The following RALGAPA1 variants were observed in gnomAD, a reference collection of about 807,000 sequenced individuals.
The protein encoded by RALGAPA1 is Ral GTPase activating protein catalytic subunit alpha 1.
Under a neutral mutation model 269.6 loss-of-function variants are expected in RALGAPA1, and 52 were observed. The ratio of observed to expected loss-of-function variants is 0.19; its 90% CI spans 0.15 to 0.24. The LOEUF is 0.24. Ranked by LOEUF, RALGAPA1 falls within the 10% of genes least tolerant of loss-of-function variation. The pLI is 1.00. For synonymous variants in RALGAPA1, 817 were observed against 1,008.3 expected (o/e 0.81, Z 3.60); for missense variants, 1,917 against 3,013.9 (o/e 0.64, Z 8.52).
chr14:35,595,150 G>A (rs907195129), intron 37 of RALGAPA1, among the ~76,000 whole-genome samples: 2 of 151,856 alleles, frequency 1.3e-5, no homozygotes, highest in Admixed American at 1.3e-4. Flanking sequence ...TACCAGGGGT[G>A]GAGTGGGGTA....
At chr14:35,678,144 A>G (rs1054191934) in intron 21 of RALGAPA1, 42 bp from the exon 22 acceptor site, 7 of 1,558,992 alleles carry the variant, frequency 4.5e-6, no homozygotes, top group Non-Finnish European at 6.1e-6. Flanking sequence ...AGAGTATTCA[A>G]TATCCTACCT....
chr14:35,569,906 C>T (rs1403113959), intron 39 of RALGAPA1, among the ~76,000 whole-genome samples: 2 of 152,148 alleles, frequency 1.3e-5, no homozygotes, highest in Admixed American at 1.3e-4. Context: ...ACTTCTGCAA[C>T]TCCAGAGTCG....
intron 41 of RALGAPA1, among the ~76,000 whole-genome samples, chr14:35,544,754 A>G (rs1431358222): frequency 6.6e-6 from 1 of 152,174 alleles, no homozygotes; most frequent in African/African-American, 2.4e-5. Context: ...CTGTTTTTAA[A>G]AACATTAATT....
At chr14:35,690,820 A>T (rs2066413396) in intron 17 of RALGAPA1, among the ~76,000 whole-genome samples, 1 of 152,100 alleles carries the variant, frequency 6.6e-6, no homozygotes, top group African/African-American at 2.4e-5. Flanking sequence ...CTATAATCCC[A>T]GCACTCTGGG....
chr14:35,731,493 G>C (rs1292481445), intron 12 of RALGAPA1, among the ~76,000 whole-genome samples: 4 of 152,122 alleles, frequency 2.6e-5, no homozygotes, highest in African/African-American at 9.7e-5. Context: ...AATGATACAA[G>C]AAGTGAAGGG....
intron 12 of RALGAPA1, among the ~76,000 whole-genome samples, chr14:35,735,917 C>A (rs1430837456): frequency 6.6e-6 from 1 of 152,134 alleles, no homozygotes; most frequent in Non-Finnish European, 1.5e-5. Context: ...CAATGATGGC[C>A]TTATAGACCA....
At chr14:35,746,431 T>C (rs1042635762) in intron 10 of RALGAPA1, among the ~76,000 whole-genome samples, 2 of 152,194 alleles carry the variant, frequency 1.3e-5, no homozygotes, top group Admixed American at 6.5e-5. Context: ...TGAAATTTTA[T>C]CTATGTAAGG....
At position 35,688,796 on chromosome 14, in the gene RALGAPA1, C is replaced by A; in HGVS notation, c.3615G>T (p.Glu1205Asp). 2.8e-6 allele frequency: 4 copies of A among 1,404,396 alleles called. No homozygotes were observed. The highest frequency in any genetic ancestry group is 3.7e-6 in the Non-Finnish European group (4 of 1,083,566). The allele number at this position is 1,404,396 out of a possible 1,614,324, so 87.0% of individuals were successfully genotyped here. A position where few individuals can be genotyped will look rare whatever the true frequency, so the allele number is the denominator to read the frequency against. The change falls in exon 18 of 42, where the codon GAG becomes GAT. Residue 1205 changes from glutamate to aspartate, a missense_variant. Glu to Asp is a conservative substitution (Grantham distance 45). Around this residue, in one of 11 missense-constraint regions of RALGAPA1, gnomAD observed 615 missense variants for 790.0 expected, o/e 0.78. Coordinates refer to ENST00000680220, the MANE Select transcript of RALGAPA1 (RefSeq NM_001346249.2). ...GTCTGTACACACCAGGTTTTACTAG[C>A]TCTGTAGCACTATTTGTGCTGGTAT... The part of the protein sequence containing the change: ...NTHTSTNSAT[E>D]LVKPGVYRPL...
At position 35,588,064 on chromosome 14, in the gene RALGAPA1, G is replaced by A. The variant is rs565211570; in HGVS notation, c.7209+7570C>T. Among the ~76,000 whole-genome samples the A allele has an allele frequency of 7.9e-5, 12 of 151,892 alleles. No individual in the cohort carries two copies. In the South Asian group the frequency reaches 8.4e-4, roughly 11 times the overall value. The stretch of plus-strand genomic sequence containing the variant: ...TGGGACTACAGGCACGTGCCACCAC[G>A]CCCAGCTAGTTTTTGAATTTTTAGT... On this transcript the variant is annotated intron_variant, in intron 37 of 41. Transcript: ENST00000680220.
At chr14:35,585,582 C>T (rs1478781685) in intron 37 of RALGAPA1, among the ~76,000 whole-genome samples, 1 of 152,140 alleles carries the variant, frequency 6.6e-6, no homozygotes, top group Non-Finnish European at 1.5e-5. Context: ...ATAAAAGTTT[C>T]ATCGTTTCAG....
chr14:35,567,691 G>C (rs2056823365), intron 39 of RALGAPA1, among the ~76,000 whole-genome samples: 1 of 152,058 alleles, frequency 6.6e-6, no homozygotes, highest in African/African-American at 2.4e-5. Flanking sequence ...TCTTGAGTTT[G>C]CATTTTAAAA....
intron 1 of RALGAPA1, among the ~76,000 whole-genome samples, chr14:35,793,050 G>C (rs1253049115): frequency 6.6e-6 from 1 of 152,062 alleles, no homozygotes; most frequent in Non-Finnish European, 1.5e-5. Flanking sequence ...TAGTGGGCTA[G>C]GGAGATGTGA....
chr14:35,576,460 G>C (rs1044411290), intron 37 of RALGAPA1, among the ~76,000 whole-genome samples: 1 of 152,138 alleles, frequency 6.6e-6, no homozygotes, highest in Non-Finnish European at 1.5e-5. Context: ...TGCTATTCAT[G>C]TGCTGGCTCT....
chr14:35,672,011 T>C (rs1566967595), intron 25 of RALGAPA1, among the ~76,000 whole-genome samples: 1 of 152,226 alleles, frequency 6.6e-6, no homozygotes. Flanking sequence ...GGAATGTTCC[T>C]AACTTCATTA....
At chr14:35,595,447 T>C (rs531892724) in intron 37 of RALGAPA1, among the ~76,000 whole-genome samples, 187 bp downstream of exon 37, 13 of 152,174 alleles carry the variant, frequency 8.5e-5, no homozygotes, top group African/African-American at 2.9e-4. Context: ...CCTTTAACCA[T>C]ATCATTGTTT....
chr14:35,614,280 GCAT>G (rs1441650427), intron 35 of RALGAPA1, among the ~76,000 whole-genome samples: 5 of 152,128 alleles, frequency 3.3e-5, no homozygotes, highest in Non-Finnish European at 7.4e-5. Flanking sequence ...GTTCACAGCA[GCAT>G]TATTCATATT....
intron 27 of RALGAPA1, among the ~76,000 whole-genome samples, chr14:35,662,116 G>A (rs1309499866): frequency 1.3e-5 from 2 of 152,058 alleles, no homozygotes; most frequent in Non-Finnish European, 2.9e-5. Flanking sequence ...ATCAAACAAG[G>A]TGATATGTAC....
At chr14:35,563,173 G>A (rs938403334) in intron 39 of RALGAPA1, among the ~76,000 whole-genome samples, 10 of 152,098 alleles carry the variant, frequency 6.6e-5, no homozygotes, top group Admixed American at 4.6e-4. Context: ...GTGAAACAAG[G>A]AGGGTAAGTA....
At chr14:35,771,949 C>T (rs989740359) in intron 3 of RALGAPA1, among the ~76,000 whole-genome samples, 2 of 152,100 alleles carry the variant, frequency 1.3e-5, no homozygotes, top group East Asian at 3.9e-4. Context: ...TCTTGATAAT[C>T]CTAGAGAAAG....
Sources: allele counts gnomAD v4.1 joint callset (sites outside exome capture counted in the v4.1 genomes callset), GRCh38; gene constraint gnomAD v4.1.1; regional missense constraint gnomAD v4.1.1; transcripts MANE v1.5; gene names NCBI Gene and HGNC (gene_info 2026-07-23, HGNC 2026-07-21).